EFCAB11: variants seen among roughly 807,000 people sequenced by gnomAD.
The protein encoded by EFCAB11 is EF-hand calcium binding domain 11.
Under a neutral mutation model 23.0 loss-of-function variants are expected in EFCAB11, and 14 were observed. The observed-to-expected ratio is 0.61, with a 90% CI of 0.40 to 0.95. EFCAB11 has a LOEUF of 0.95. EFCAB11 is among the 40% of genes least tolerant of loss of function. The pLI is 0.00. For missense variants in EFCAB11, 198 were observed against 195.8 expected, an observed-to-expected ratio of 1.01 and a Z score of -0.07; for synonymous variants, 65 against 66.6, an observed-to-expected ratio of 0.98 and a Z score of 0.11.
chr14:89,796,011 C>T lies in EFCAB11; in HGVS notation c.*1232G>A, dbSNP rs927245705. On this transcript the variant is annotated 3_prime_UTR_variant, in exon 6 of 6. Coordinates refer to ENST00000316738, the MANE Select transcript of EFCAB11 (RefSeq NM_145231.4). ...CATGGCTAAGTGTCTGGGTGCAGGA[C>T]GTGACTGCTAGAAACCAGGGGGTAT... is the stretch of plus-strand genomic sequence containing the variant. 5 of 152,326 alleles carry T rather than the reference C, an allele frequency of 3.3e-5. No individual in the cohort carries two copies. The highest frequency in any genetic ancestry group is 1.3e-4 in the Admixed American group (2 of 15,280). 9.4% of individuals were successfully genotyped at this position (152,326 alleles called of 1,614,324 possible). A position where few individuals can be genotyped will look rare whatever the true frequency, so the allele number is the denominator to read the frequency against.
In EFCAB11 at chr14:89,890,822, A is replaced by G. The variant is rs369186622; in HGVS notation, c.410+40719T>C. On this transcript the variant is annotated intron_variant, in intron 5 of 5. Coordinates refer to ENST00000316738, the MANE Select transcript of EFCAB11 (RefSeq NM_145231.4). ...GCTGCGGTCTGGTAGCCTCATGGGG[A>G]GACGAGGCCAGAAGTGAAGATCCAG... Among the ~76,000 whole-genome samples, 318 of 152,328 alleles carry G rather than the reference A, an allele frequency of 2.1e-3. 1 individual carries two copies. The highest frequency in any genetic ancestry group is 7.3e-3 in the African/African-American group (302 of 41,574).
intron 5 of EFCAB11, among the ~76,000 whole-genome samples, chr14:89,844,174 A>G (rs913718266): frequency 6.6e-6 from 1 of 152,212 alleles, no homozygotes; most frequent in African/African-American, 2.4e-5. Flanking sequence ...GCTTCTGCGT[A>G]TAACAGAAAT....
At chr14:89,947,870 C>T (rs376855693) in intron 3 of EFCAB11, among the ~76,000 whole-genome samples, 30 of 152,206 alleles carry the variant, frequency 2.0e-4, no homozygotes, top group Admixed American at 1.6e-3. Flanking sequence ...TTTCTTCAGC[C>T]CAGAACTTAC....
intron 3 of EFCAB11, among the ~76,000 whole-genome samples, chr14:89,943,247 GTTT>G (rs35175946): frequency 7.1e-6 from 1 of 140,110 alleles, no homozygotes; most frequent in Non-Finnish European, 1.6e-5. Flanking sequence ...TTTCAGACCT[GTTT>G]TTTTTTTTTT....
At chr14:89,856,271 C>T (rs1247775149) in intron 5 of EFCAB11, among the ~76,000 whole-genome samples, 1 of 151,726 alleles carries the variant, frequency 6.6e-6, no homozygotes, top group Middle Eastern at 3.2e-3. Context: ...TCACTGTACC[C>T]TCTGCCTCCC....
chr14:89,812,750 C>T (rs766584793), intron 5 of EFCAB11, among the ~76,000 whole-genome samples: 37 of 152,202 alleles, frequency 2.4e-4, no homozygotes, highest in Non-Finnish European at 3.1e-4. Context: ...TAGATCATCA[C>T]CCCATGCTAT....
At chr14:89,923,981 T>A (rs1890105029) in intron 5 of EFCAB11, 8 of 970,574 alleles carry the variant, frequency 8.2e-6, no homozygotes, top group Non-Finnish European at 9.6e-6. Flanking sequence ...CCAATCAGCA[T>A]AACAGAAGAG....
chr14:89,838,801 T>C (rs1887165123), intron 5 of EFCAB11, among the ~76,000 whole-genome samples: 1 of 152,216 alleles, frequency 6.6e-6, no homozygotes, highest in African/African-American at 2.4e-5. Context: ...CCCAACATTA[T>C]ATCAGAGATC....
intron 5 of EFCAB11, among the ~76,000 whole-genome samples, chr14:89,815,261 T>C (rs1886295652): frequency 6.6e-6 from 1 of 152,114 alleles, no homozygotes; most frequent in Admixed American, 6.5e-5. Flanking sequence ...TTCAAAATAT[T>C]AGTGTTTCAA....
intron 5 of EFCAB11, among the ~76,000 whole-genome samples, chr14:89,832,283 A>C (rs959783598): frequency 3.9e-5 from 6 of 152,164 alleles, no homozygotes; most frequent in Non-Finnish European, 5.9e-5. Flanking sequence ...ACTGCACTCC[A>C]GCACTCCAGC....
Position 89,933,169 on chromosome 14 carries a change from G to A in EFCAB11, c.218-542C>T, listed in dbSNP as rs539636596. Among the ~76,000 whole-genome samples, 241 of 152,248 alleles carry A rather than the reference G, an allele frequency of 1.6e-3. 1 individual carries two copies. The highest frequency in any genetic ancestry group is 5.5e-3 in the African/African-American group (230 of 41,550). ...ACAGCTGGCACCATCTCCAGCCCTG[G>A]ATACGCCCCACAACGTGTGGAGCAG... On this transcript the variant is annotated intron_variant, in intron 3 of 5. Transcript: ENST00000316738.
At chr14:89,923,947 G>C in intron 5 of EFCAB11, 1 of 985,306 alleles carries the variant, frequency 1.0e-6, no homozygotes, top group Non-Finnish European at 1.2e-6. Flanking sequence ...CTTTCCTTTA[G>C]GCCCTCAGCT....
chr14:89,871,742 C>G lies in EFCAB11; in HGVS notation c.410+59799G>C, dbSNP rs140788310. ...CCTGCATTACTAACATACTGACCTC[C>G]CCTTGATATTATCCTGCAATTTACA... On this transcript the variant is annotated intron_variant, in intron 5 of 5. Coordinates refer to ENST00000316738, the MANE Select transcript of EFCAB11 (RefSeq NM_145231.4). Among the ~76,000 whole-genome samples, 628 of 152,318 alleles carry G rather than the reference C, an allele frequency of 4.1e-3. 2 individuals are homozygous for G. The highest frequency in any genetic ancestry group is 7.0e-3 in the Non-Finnish European group (476 of 68,026).
chr14:89,888,636 T>C (rs936503151), intron 5 of EFCAB11, among the ~76,000 whole-genome samples: 1 of 152,140 alleles, frequency 6.6e-6, no homozygotes, highest in Non-Finnish European at 1.5e-5. Context: ...ACCTCCAGCA[T>C]TGGGGATTAC....
At chr14:89,903,234 T>C (rs1420471013) in intron 5 of EFCAB11, among the ~76,000 whole-genome samples, 1 of 152,256 alleles carries the variant, frequency 6.6e-6, no homozygotes, top group East Asian at 1.9e-4. Context: ...TTTCAGAATC[T>C]AATTATAGTG....
At chr14:89,881,233 C>A (rs752388439) in intron 5 of EFCAB11, among the ~76,000 whole-genome samples, 2 of 151,318 alleles carry the variant, frequency 1.3e-5, no homozygotes, top group African/African-American at 4.9e-5. Flanking sequence ...CACACCATAT[C>A]CCCAACTGCC....
At chr14:89,914,794 A>G (rs1439984962) in intron 5 of EFCAB11, among the ~76,000 whole-genome samples, 1 of 152,020 alleles carries the variant, frequency 6.6e-6, no homozygotes, top group Non-Finnish European at 1.5e-5. Context: ...TCGAAAAGAA[A>G]AAAAAAAAAG....
chr14:89,953,672 T>A (rs958692400), intron 2 of EFCAB11, among the ~76,000 whole-genome samples: 1 of 152,208 alleles, frequency 6.6e-6, no homozygotes, highest in Admixed American at 6.5e-5. Flanking sequence ...GTATTTATAG[T>A]AGTTATTAGC....
chr14:89,809,367 C>T (rs1886076633), intron 5 of EFCAB11, among the ~76,000 whole-genome samples: 1 of 152,216 alleles, frequency 6.6e-6, no homozygotes, highest in Admixed American at 6.5e-5. Context: ...CACACTAATA[C>T]CAATTTCAGG....
Sources: gnomAD v4.1 joint callset for allele counts (sites outside exome capture counted in the v4.1 genomes callset) on GRCh38, gnomAD v4.1.1 for gene constraint, MANE v1.5 for transcripts, NCBI Gene and HGNC (gene_info 2026-07-23, HGNC 2026-07-21) for gene names.